The following MTMR10 variants were observed in gnomAD, a reference collection of about 807,000 sequenced individuals.
The protein encoded by MTMR10 is myotubularin-related protein 10.
In MTMR10, 56 loss-of-function variants were observed where a neutral mutation model predicts 88.1. That is an observed-to-expected ratio of 0.64 (90% CI 0.51 to 0.79). The LOEUF is 0.79. MTMR10 is among the 30% of genes least tolerant of loss of function. MTMR10 has a pLI of 0.00. For missense variants in MTMR10, 883 were observed against 924.7 expected, an observed-to-expected ratio of 0.95 and a Z score of 0.58; for synonymous variants, 380 against 340.9, an observed-to-expected ratio of 1.11 and a Z score of -1.26.
intron 2 of MTMR10, among the ~76,000 whole-genome samples, chr15:30,989,924 A>C (rs998957171): frequency 1.3e-5 from 2 of 152,108 alleles, no homozygotes; most frequent in African/African-American, 2.4e-5. Context: ...GTATCTGGCT[A>C]CTTCCCCTAA....
chr15:30,925,007 T>G, the MTMR10 span: 3 of 1,013,276 alleles, frequency 3.0e-6, no homozygotes, highest in Admixed American at 2.5e-5. Context: ...AAGTGCTGTT[T>G]GCTCATTTGC....
At chr15:30,919,814 G>A in the MTMR10 span, among the ~76,000 whole-genome samples, 1 of 152,086 alleles carries the variant, frequency 6.6e-6, no homozygotes, top group Non-Finnish European at 1.5e-5. Flanking sequence ...GGCTGAGGAC[G>A]AGGAGAGAGA....
Position 30,977,033 on chromosome 15 carries a change from T to A in MTMR10, c.122-78A>T, listed in dbSNP as rs139927440. The A allele has an allele frequency of 4.2e-4, 562 of 1,351,146 alleles. 4 individuals are homozygous for A. The highest frequency in any genetic ancestry group is 8.7e-4 in the East Asian group (38 of 43,444). 83.7% of individuals were successfully genotyped at this position (1,351,146 alleles called of 1,614,324 possible). A position where few individuals can be genotyped will look rare whatever the true frequency, so the allele number is the denominator to read the frequency against. On this transcript the variant is annotated intron_variant, in intron 2 of 15. Transcript: ENST00000435680. ...TCTTTGTGGGACCTAGAAGGAGTGT[T>A]TCATGAGGGCAAGGATGAGGATAGT...
chr15:30,952,614 C>T (rs1474553221), intron 11 of MTMR10, among the ~76,000 whole-genome samples: 3 of 152,134 alleles, frequency 2.0e-5, no homozygotes, highest in African/African-American at 7.2e-5. Context: ...GATCCTCCTG[C>T]CTCAGGCTCC....
chr15:30,940,017 T>G lies in MTMR10; in HGVS notation c.*1453A>C, dbSNP rs1027434467. 4.1e-6 allele frequency: 4 copies of G among 975,506 alleles called. No homozygotes were observed. Among genetic ancestry groups the G allele is most frequent in the Admixed American group, 6.2e-5 (1 of 16,252 alleles). The allele number at this position is 975,506 out of a possible 1,614,324, so 60.4% of individuals were successfully genotyped here. ...AAATAATTCAAAAAGAAACAGCTAT[T>G]CAGTACATATAAAGGTAAAATACAG... On this transcript the variant is annotated 3_prime_UTR_variant, in exon 16 of 16. Transcript: ENST00000435680.
At chr15:30,966,728 A>G (rs1566959103) in intron 6 of MTMR10, among the ~76,000 whole-genome samples, 1 of 151,960 alleles carries the variant, frequency 6.6e-6, no homozygotes, top group Admixed American at 6.6e-5. Flanking sequence ...CTCAGTTACA[A>G]TTATGTATAT....
rs1370037794 is a variant in MTMR10 at position 30,939,857 on chromosome 15, A to G, written c.*1613T>C. 20 of 985,238 alleles carry G rather than the reference A, an allele frequency of 2.0e-5. No homozygotes were observed. Among genetic ancestry groups the G allele is most frequent in the Non-Finnish European group, 2.4e-5 (20 of 829,830 alleles). 61.0% of individuals were successfully genotyped at this position (985,238 alleles called of 1,614,324 possible). ...ATGTTTAATAATTCTATTTGTATAA[A>G]CTGAAACTAGCCCTTATTTTCTAGG... is the stretch of plus-strand genomic sequence containing the variant. On this transcript the variant is annotated 3_prime_UTR_variant, in exon 16 of 16. Transcript: ENST00000435680.
At chr15:30,977,953 C>T (rs1157647674) in intron 2 of MTMR10, among the ~76,000 whole-genome samples, 1 of 152,234 alleles carries the variant, frequency 6.6e-6, no homozygotes, top group Non-Finnish European at 1.5e-5. Context: ...ACAGTGCCAA[C>T]AGCTTGAGTT....
At chr15:30,946,718 C>G (rs975427045) in intron 14 of MTMR10, 3 of 702,660 alleles carry the variant, frequency 4.3e-6, no homozygotes, top group Non-Finnish European at 5.2e-6. Context: ...GAATTGTGAC[C>G]AGAAACTTCA....
At chr15:30,976,772 A>G (rs1372546329) in intron 3 of MTMR10, 47 bp downstream of exon 3, 3 of 1,576,524 alleles carry the variant, frequency 1.9e-6, no homozygotes, top group Non-Finnish European at 2.6e-6. Context: ...TGTACCACTT[A>G]GAGTTGAAAG....
chr15:30,937,779 A>G (rs2062903019), downstream of MTMR10, among the ~76,000 whole-genome samples: 1 of 152,032 alleles, frequency 6.6e-6, no homozygotes, highest in Non-Finnish European at 1.5e-5. Context: ...TTTTTAAAAG[A>G]GAAAAATTTT....
rs565371177 is a variant in MTMR10, at chr15:30,958,963, G to A, written c.847-12C>T. On this transcript the variant is annotated splice_polypyrimidine_tract_variant and intron_variant, in intron 8 of 15. Coordinates refer to ENST00000435680, the MANE Select transcript of MTMR10 (RefSeq NM_017762.3). ...CTCCAGCACCAGAGCTAGGGGAGAG[G>A]TAGAATCCTTACTTCACTGTGTAGA... 5 of 1,613,968 alleles carry A rather than the reference G, an allele frequency of 3.1e-6. No homozygotes were observed. The South Asian group carries it at 3.3e-5, about 11-fold the overall frequency.
At chr15:30,964,333 T>C (rs1357407600) in intron 6 of MTMR10, among the ~76,000 whole-genome samples, 2 of 152,248 alleles carry the variant, frequency 1.3e-5, no homozygotes, top group African/African-American at 4.8e-5. Context: ...AGGCTAAGAA[T>C]GTGCTATTGT....
chr15:30,941,423 GA>G lies in MTMR10; in HGVS notation c.*46del. The G allele has an allele frequency of 1.3e-6, 2 of 1,565,768 alleles. No homozygotes were observed. The highest frequency in any genetic ancestry group is 8.6e-7 in the Non-Finnish European group (1 of 1,158,648). On this transcript the variant is annotated 3_prime_UTR_variant, in exon 16 of 16. Coordinates refer to ENST00000435680, the MANE Select transcript of MTMR10 (RefSeq NM_017762.3). ...CTAGGTTAGCAATGTTAATTCAGAG[GA>G]AAAAAGTTGACAGCTTCCCTCAAAA... is the stretch of plus-strand genomic sequence containing the variant.
intron 5 of MTMR10, among the ~76,000 whole-genome samples, chr15:30,970,375 G>A (rs1354680036): frequency 1.3e-5 from 2 of 152,008 alleles, no homozygotes; most frequent in Non-Finnish European, 1.5e-5. Context: ...AATATGAAGT[G>A]TTACAGTGAG....
chr15:30,969,651 TCTGA>T (rs2063513958), intron 5 of MTMR10, among the ~76,000 whole-genome samples: 1 of 152,312 alleles, frequency 6.6e-6, no homozygotes, highest in African/African-American at 2.4e-5. Flanking sequence ...ACGATGTAAT[TCTGA>T]CTAACAATTT....
intron 2 of MTMR10, among the ~76,000 whole-genome samples, chr15:30,982,822 T>A (rs961052025): frequency 1.4e-4 from 21 of 151,872 alleles, no homozygotes; most frequent in Admixed American, 4.6e-4. Flanking sequence ...TTCATAATTT[T>A]AAAAAAAAGG....
At chr15:30,947,899 G>C (rs1021240792) in intron 13 of MTMR10, among the ~76,000 whole-genome samples, 1 of 152,162 alleles carries the variant, frequency 6.6e-6, no homozygotes, top group African/African-American at 2.4e-5. Context: ...CTAGAGATCC[G>C]AGGCAGCCAC....
At chr15:30,987,084 G>A (rs760331584) in intron 2 of MTMR10, among the ~76,000 whole-genome samples, 15 of 152,158 alleles carry the variant, frequency 9.9e-5, no homozygotes, top group Non-Finnish European at 2.1e-4. Context: ...ATGAGAGGAA[G>A]ATAAAGAGAA....
Sources: gnomAD v4.1 joint callset for allele counts (sites outside exome capture counted in the v4.1 genomes callset) on GRCh38, gnomAD v4.1.1 for gene constraint, MANE v1.5 for transcripts, NCBI Gene and HGNC (gene_info 2026-07-23, HGNC 2026-07-21) for gene names.